PEX13: variants seen among roughly 807,000 people sequenced by gnomAD.
PEX13 encodes peroxisomal biogenesis factor 13.
Under a neutral mutation model 34.5 loss-of-function variants are expected in PEX13, and 28 were observed. The observed-to-expected ratio is 0.81, with a 90% CI of 0.60 to 1.11. The LOEUF is 1.11. Among genes scored for constraint, PEX13 ranks in the 50% most tolerant of loss-of-function variants. The pLI is 0.00. For synonymous variants in PEX13, 177 were observed against 175.1 expected (o/e 1.01, Z -0.09); for missense variants, 550 against 491.0 (o/e 1.12, Z -1.13).
chr2:61,024,192 G>T (rs185889183), intron 1 of PEX13, among the ~76,000 whole-genome samples: 2 of 152,156 alleles, frequency 1.3e-5, no homozygotes, highest in Non-Finnish European at 2.9e-5. Context: ...GTTTTCAGCA[G>T]TTTGCTTTGT....
intron 3 of PEX13, among the ~76,000 whole-genome samples, chr2:61,047,613 A>G (rs999790586): frequency 2.6e-5 from 4 of 152,214 alleles, no homozygotes; most frequent in African/African-American, 7.2e-5. Flanking sequence ...GAAAAATTTT[A>G]TATTTCATTA....
intron 1 of PEX13, 93 bp from the exon 2 acceptor site, chr2:61,031,326 A>T (rs1680445297): frequency 1.1e-6 from 1 of 905,598 alleles, no homozygotes; most frequent in African/African-American, 1.6e-5. Flanking sequence ...AGAATTTGTC[A>T]TAGCACCAGG....
rs1680769571 is a variant in PEX13, at chr2:61,049,992, G to A, written c.*1222G>A. 6.6e-6 allele frequency: 1 copy of A among 152,230 alleles called. No homozygotes were observed. Among genetic ancestry groups the A allele is most frequent in the Admixed American group, 6.5e-5 (1 of 15,276 alleles). The allele number at this position is 152,230 out of a possible 1,614,324, so 9.4% of individuals were successfully genotyped here. On this transcript the variant is annotated 3_prime_UTR_variant, in exon 4 of 4. Transcript: ENST00000295030. ...ATTTTTTAAATTCCATATTTAGGAT[G>A]CTCTGTAAATATTGAAAATGTGTCA...
chr2:61,046,211 T>G (rs1194309225), intron 3 of PEX13, among the ~76,000 whole-genome samples: 3 of 152,268 alleles, frequency 2.0e-5, no homozygotes, highest in Non-Finnish European at 4.4e-5. Context: ...TAAGCATTGC[T>G]GTTAGTCCTT....
In PEX13 at chr2:61,049,978, T is replaced by C. The variant is rs986612036; in HGVS notation, c.*1208T>C. ...TTCTACCTTGTGTAATTTTTTAAAT[T>C]CCATATTTAGGATGCTCTGTAAATA... On this transcript the variant is annotated 3_prime_UTR_variant, in exon 4 of 4. Transcript: ENST00000295030. 2.6e-5 allele frequency: 4 copies of C among 152,374 alleles called. No homozygotes were observed. The highest frequency in any genetic ancestry group is 5.9e-5 in the Non-Finnish European group (4 of 68,038). 9.4% of individuals were successfully genotyped at this position (152,374 alleles called of 1,614,324 possible).
intron 1 of PEX13, among the ~76,000 whole-genome samples, chr2:61,030,053 G>C (rs1261057926): frequency 6.6e-6 from 1 of 152,098 alleles, no homozygotes; most frequent in African/African-American, 2.4e-5. Context: ...GTATCTGAAG[G>C]AGATTTTGAA....
chr2:61,039,736 A>G (rs950279885), intron 2 of PEX13, among the ~76,000 whole-genome samples: 1 of 152,240 alleles, frequency 6.6e-6, no homozygotes, highest in Non-Finnish European at 1.5e-5. Flanking sequence ...GCCGGAATAG[A>G]CAGATGGGAT....
chr2:61,017,798 G>A lies in PEX13; in HGVS notation c.39G>A (p.Glu13=). Residue 13 remains glutamate, a synonymous_variant, in exon 1 of 4, where the codon GAG becomes GAA. Coordinates refer to ENST00000295030, the MANE Select transcript of PEX13 (RefSeq NM_002618.4). ...CGCCACCTCCCCCCAAACCCTGGGA[G>A]ACCCGCCGAATTCCGGGAGCCGGAC... ...SQPPPPPKPW[E]TRRIPGAGPG... is the part of the protein sequence containing the mutation. 2 of 1,550,506 alleles carry A rather than the reference G, an allele frequency of 1.3e-6. No individual in the cohort carries two copies. The highest frequency in any genetic ancestry group is 1.7e-6 in the Non-Finnish European group (2 of 1,146,908).
chr2:61,038,235 A>G (rs1373634099), intron 2 of PEX13, among the ~76,000 whole-genome samples: 2 of 152,212 alleles, frequency 1.3e-5, no homozygotes, highest in African/African-American at 2.4e-5. Context: ...AAAAGAGGGA[A>G]TCCTCCCTAA....
chr2:61,044,942 C>T (rs1290622475), intron 2 of PEX13, among the ~76,000 whole-genome samples: 2 of 152,160 alleles, frequency 1.3e-5, no homozygotes. Context: ...TCCATGCAAG[C>T]ACAAAGGAAA....
At chr2:61,032,212 GT>G in intron 2 of PEX13, 99 bp downstream of exon 2, 1 of 885,856 alleles carries the variant, frequency 1.1e-6, no homozygotes, top group Non-Finnish European at 1.8e-6. Flanking sequence ...TGTATTTACT[GT>G]TTCCAGTTAT....
chr2:61,032,469 G>A (rs1228650666), intron 2 of PEX13, among the ~76,000 whole-genome samples: 2 of 152,194 alleles, frequency 1.3e-5, no homozygotes, highest in Non-Finnish European at 2.9e-5. Flanking sequence ...ATAACAATTG[G>A]GGAGAGACAT....
Position 61,031,400 on chromosome 2 carries a change from G to A in PEX13, c.93-19G>A. ...TATTGTATGCTTAAATAACTGTTTTGAATCTTTTTTGGTTTTAGATCTGCT... is the reference window on the plus strand; with the variant it reads ...TATTGTATGCTTAAATAACTGTTTTAAATCTTTTTTGGTTTTAGATCTGCT... On this transcript the variant is annotated intron_variant, in intron 1 of 3. Transcript: ENST00000295030. 1 of 1,581,050 alleles carries A rather than the reference G, an allele frequency of 6.3e-7. No homozygotes were observed. The highest frequency in any genetic ancestry group is 8.7e-7 in the Non-Finnish European group (1 of 1,150,684).
intron 2 of PEX13, among the ~76,000 whole-genome samples, chr2:61,038,515 T>A (rs1680571113): frequency 6.6e-6 from 1 of 152,204 alleles, no homozygotes; most frequent in Non-Finnish European, 1.5e-5. Flanking sequence ...CAAATGATTA[T>A]CTCAATAGAT....
At chr2:61,030,130 A>G (rs901002768) in intron 1 of PEX13, among the ~76,000 whole-genome samples, 11 of 152,206 alleles carry the variant, frequency 7.2e-5, no homozygotes, top group African/African-American at 2.7e-4. Context: ...TAAACCCTGG[A>G]AACATTATGC....
At chr2:61,039,128 A>G (rs1318364447) in intron 2 of PEX13, among the ~76,000 whole-genome samples, 1 of 152,210 alleles carries the variant, frequency 6.6e-6, no homozygotes, top group East Asian at 1.9e-4. Flanking sequence ...TTCCATGCCC[A>G]TGGATAGGAA....
intron 2 of PEX13, among the ~76,000 whole-genome samples, chr2:61,037,935 C>T (rs891607586): frequency 2.6e-5 from 4 of 152,292 alleles, no homozygotes; most frequent in African/African-American, 9.6e-5. Context: ...CACCACCCAT[C>T]CCACAGAAAT....
chr2:61,033,839 A>C (rs1177768812), intron 2 of PEX13, among the ~76,000 whole-genome samples: 1 of 152,176 alleles, frequency 6.6e-6, no homozygotes, highest in Non-Finnish European at 1.5e-5. Flanking sequence ...TGATTGGAGC[A>C]AAGTGTTAGT....
Position 61,031,784 on chromosome 2 carries a change from C to T in PEX13, c.458C>T (p.Ala153Val), listed in dbSNP as rs2104803452. The T allele has an allele frequency of 1.2e-6, 2 of 1,613,168 alleles. No individual in the cohort carries two copies. The highest frequency in any genetic ancestry group is 1.7e-6 in the Non-Finnish European group (2 of 1,179,080). ...VSMMMDATFSAVYNSFRAVLD... is the reference protein window; with the variant it reads ...VSMMMDATFSVVYNSFRAVLD... The stretch of plus-strand genomic sequence containing the variant: ...ATGATGATGGATGCTACCTTTTCAG[C>T]TGTCTATAACAGTTTCAGGGCTGTA... Residue 153 changes from alanine (A) to valine (V), a missense_variant, in exon 2 of 4, where the codon GCT becomes GTT. By Grantham distance (64) the Ala-to-Val change is moderately conservative. Transcript: ENST00000295030.
Sources: allele counts gnomAD v4.1 joint callset (sites outside exome capture counted in the v4.1 genomes callset), GRCh38; gene constraint gnomAD v4.1.1; transcripts MANE v1.5; gene names NCBI Gene and HGNC (gene_info 2026-07-23, HGNC 2026-07-21).